The following NRXN3 variants were observed in gnomAD, a reference collection of about 807,000 sequenced individuals.
The protein encoded by NRXN3 is neurexin III.
In NRXN3, 32 loss-of-function variants were observed where a neutral mutation model predicts 137.6. The ratio of observed to expected loss-of-function variants is 0.23; its 90% CI spans 0.18 to 0.31. The LOEUF (loss-of-function observed/expected upper bound fraction) is 0.31. Among genes scored for constraint, NRXN3 ranks in the 10% least tolerant of loss-of-function variants. The pLI, the probability that NRXN3 is intolerant of heterozygous loss-of-function variation, is 1.00. For missense variants in NRXN3, 1,574 were observed against 2,062.5 expected, an observed-to-expected ratio of 0.76 and a Z score of 4.59; for synonymous variants, 798 against 784.5, an observed-to-expected ratio of 1.02 and a Z score of -0.29.
At chr14:78,373,845 A>G (rs1211205872) in intron 4 of NRXN3, among the ~76,000 whole-genome samples, 2 of 152,240 alleles carry the variant, frequency 1.3e-5, no homozygotes, top group Non-Finnish European at 2.9e-5. Context: ...CTGAGAGAGA[A>G]AAAAAGACCT....
chr14:79,726,988 A>G (rs1438419229), intron 19 of NRXN3, among the ~76,000 whole-genome samples: 3 of 152,168 alleles, frequency 2.0e-5, no homozygotes, highest in Admixed American at 6.6e-5. Context: ...GGGAAAACTA[A>G]AAGTAATTTA....
chr14:78,876,193 A>G (rs1034267622), intron 10 of NRXN3, among the ~76,000 whole-genome samples: 2 of 152,200 alleles, frequency 1.3e-5, no homozygotes, highest in Non-Finnish European at 2.9e-5. Context: ...ATCTTTTAAA[A>G]CAAAACAAAG....
intron 16 of NRXN3, among the ~76,000 whole-genome samples, chr14:79,647,721 T>A (rs1303665781): frequency 7.4e-6 from 1 of 135,664 alleles, no homozygotes; most frequent in African/African-American, 2.5e-5. Flanking sequence ...GTGTATGATT[T>A]TATGATCAGG....
chr14:78,902,637 C>T (rs112846112), intron 10 of NRXN3, among the ~76,000 whole-genome samples: 12 of 151,876 alleles, frequency 7.9e-5, no homozygotes, highest in Admixed American at 2.6e-4. Flanking sequence ...CAACGAAGTC[C>T]AAATTATTTA....
intron 15 of NRXN3, among the ~76,000 whole-genome samples, chr14:79,381,650 A>G (rs2094474104): frequency 6.6e-6 from 1 of 152,232 alleles, no homozygotes; most frequent in Non-Finnish European, 1.5e-5. Flanking sequence ...TTGCTTACTT[A>G]AGTGCTCAAA....
At chr14:79,597,424 C>T (rs2097869525) in intron 16 of NRXN3, among the ~76,000 whole-genome samples, 1 of 152,148 alleles carries the variant, frequency 6.6e-6, no homozygotes, top group African/African-American at 2.4e-5. Flanking sequence ...AAATTTCTCT[C>T]TTTATCCCTT....
intron 4 of NRXN3, among the ~76,000 whole-genome samples, chr14:78,523,284 C>T (rs570932460): frequency 1.3e-5 from 2 of 152,274 alleles, no homozygotes; most frequent in African/African-American, 4.8e-5. Context: ...ATCTCCCTTC[C>T]CTGTCAAGTC....
intron 10 of NRXN3, among the ~76,000 whole-genome samples, chr14:78,884,311 A>T (rs2099137145): frequency 6.6e-6 from 1 of 152,008 alleles, no homozygotes; most frequent in Admixed American, 6.6e-5. Context: ...TAATCCTGGG[A>T]TATGGAAGAT....
chr14:79,732,367 G>A (rs2098927123), intron 19 of NRXN3, among the ~76,000 whole-genome samples: 1 of 152,204 alleles, frequency 6.6e-6, no homozygotes, highest in South Asian at 2.1e-4. Context: ...TTAAGTTCTT[G>A]TGTGTGTGAG....
At chr14:78,279,464 T>A (rs1259453457) in intron 3 of NRXN3, 1 of 152,252 alleles carries the variant, frequency 6.6e-6, no homozygotes, top group African/African-American at 2.4e-5. Context: ...TTAAAAAGAA[T>A]AATTAACTTG....
At chr14:79,323,242 A>G (rs930176026) in intron 15 of NRXN3, among the ~76,000 whole-genome samples, 9 of 152,184 alleles carry the variant, frequency 5.9e-5, no homozygotes, top group African/African-American at 2.2e-4. Context: ...AGCTCTCACT[A>G]TGTTGCCCAG....
intron 6 of NRXN3, among the ~76,000 whole-genome samples, chr14:78,696,504 C>A (rs996222387): frequency 6.6e-6 from 1 of 151,986 alleles, no homozygotes; most frequent in African/African-American, 2.4e-5. Flanking sequence ...ATTAAGTAAC[C>A]TGTCTAGATC....
rs562243785 is a variant in NRXN3 at position 79,764,239 on chromosome 14, C to A, written c.4015-40873C>A. On this transcript the variant is annotated intron_variant, in intron 19 of 20. Coordinates refer to ENST00000335750, the MANE Select transcript of NRXN3 (RefSeq NM_001330195.2). ...AGGGAACATCTGCCCTCATTTTCAA[C>A]CTTATTTCTTTAGTACCAATTGCAG... Among the ~76,000 whole-genome samples, 66 of 151,990 alleles carry A rather than the reference C, an allele frequency of 4.3e-4. 1 individual carries two copies. The South Asian group carries it at 0.01, about 23-fold the overall frequency.
intron 4 of NRXN3, among the ~76,000 whole-genome samples, chr14:78,449,234 A>G (rs1436251970): frequency 6.6e-6 from 1 of 151,990 alleles, no homozygotes; most frequent in Admixed American, 6.6e-5. Context: ...TATTTTTGAG[A>G]TGGTGTCTCA....
At chr14:78,582,912 T>C (rs896900835) in intron 4 of NRXN3, among the ~76,000 whole-genome samples, 8 of 152,184 alleles carry the variant, frequency 5.3e-5, no homozygotes, top group Non-Finnish European at 8.8e-5. Flanking sequence ...ATCATATCTC[T>C]CATATGATAC....
intron 16 of NRXN3, among the ~76,000 whole-genome samples, chr14:79,651,551 T>C (rs1219056115): frequency 6.6e-6 from 1 of 152,000 alleles, no homozygotes; most frequent in Non-Finnish European, 1.5e-5. Flanking sequence ...AAAAAAAGAA[T>C]TGTTCCATTA....
rs924203571 is a variant in NRXN3 at position 78,996,184 on chromosome 14, C to T, written c.3262+8043C>T. On this transcript the variant is annotated intron_variant, in intron 15 of 20. Transcript: ENST00000335750. ...TTTTTCTTTTTTACCTTGAATACCT[C>T]TTTCATACACAATTACGTTTTTTAA... 1.2e-4 allele frequency among the ~76,000 whole-genome samples: 19 copies of T among 152,114 alleles called. 1 individual carries two copies. The highest frequency in any genetic ancestry group is 1.1e-3 in the Admixed American group (17 of 15,268).
chr14:78,283,115 A>T (rs1317901231), intron 3 of NRXN3: 2 of 152,290 alleles, frequency 1.3e-5, no homozygotes, highest in Non-Finnish European at 2.9e-5. Context: ...ACAGAATGAG[A>T]TATCTGATCT....
chr14:79,593,538 G>A (rs1305693449), intron 16 of NRXN3, among the ~76,000 whole-genome samples: 8 of 151,074 alleles, frequency 5.3e-5, no homozygotes, highest in Non-Finnish European at 7.4e-5. Context: ...GGCTGAGGCG[G>A]GAGAATGGCG....
Sources: allele counts gnomAD v4.1 joint callset (sites outside exome capture counted in the v4.1 genomes callset), GRCh38; gene constraint gnomAD v4.1.1; transcripts MANE v1.5; gene names NCBI Gene and HGNC (gene_info 2026-07-23, HGNC 2026-07-21).